USP14: variants seen among roughly 807,000 people sequenced by gnomAD.
The protein encoded by USP14 is ubiquitin specific peptidase 14, also known as ubiquitin carboxyl-terminal hydrolase 14.
Under a neutral mutation model 76.5 loss-of-function variants are expected in USP14, and 38 were observed. That is an observed-to-expected ratio of 0.50 (90% confidence interval 0.38 to 0.65). The LOEUF (loss-of-function observed/expected upper bound fraction) is 0.65. USP14 is among the 30% of genes least tolerant of loss of function. The pLI, the probability that USP14 is intolerant of heterozygous loss-of-function variation, is 0.00. For missense variants in USP14, 467 were observed against 586.5 expected, an observed-to-expected ratio of 0.80 and a Z score of 2.10; for synonymous variants, 192 against 191.7, an observed-to-expected ratio of 1.00 and a Z score of -0.01.
At position 209,951 on chromosome 18, in the gene USP14, A is replaced by G. The variant is rs753289375; in HGVS notation, c.1165-20A>G. ...ATTTCCAAAATCATGATTTAAAATTAAACATTTTTTTCTCCTCAGAGTGAC... is the reference window on the plus strand; with the variant it reads ...ATTTCCAAAATCATGATTTAAAATTGAACATTTTTTTCTCCTCAGAGTGAC... On this transcript the variant is annotated intron_variant, in intron 13 of 15. Transcript: ENST00000261601. The G allele has an allele frequency of 6.4e-7, 1 of 1,561,818 alleles. No individual in the cohort carries two copies. Among genetic ancestry groups the G allele is most frequent in the Non-Finnish European group, 8.7e-7 (1 of 1,151,250 alleles).
intron 6 of USP14, among the ~76,000 whole-genome samples, chr18:193,639 C>T (rs182315910): frequency 6.6e-6 from 1 of 152,180 alleles, no homozygotes; most frequent in Admixed American, 6.5e-5. Flanking sequence ...TGTTATTTCT[C>T]TCTAGATTTG....
chr18:209,899 T>G (rs1240937705), intron 13 of USP14, 72 bp from the exon 14 acceptor site: 47 of 1,177,078 alleles, frequency 4.0e-5, no homozygotes, highest in Non-Finnish European at 5.7e-5. Context: ...TTTATGAAAT[T>G]GAACACTTAC....
rs1244134388 is a variant in USP14, at chr18:208,258, AT to A, written c.1165-1710del. Among the ~76,000 whole-genome samples, 7 of 152,200 alleles carry A rather than the reference AT, an allele frequency of 4.6e-5. No individual in the cohort carries two copies. In the East Asian group the frequency reaches 1.2e-3, roughly 25 times the overall value. ...TAAATTGTTTTCCCAGAATTGATCC[AT>A]TTCATAAGCTTATCAAATTTGTATG... On this transcript the variant is annotated intron_variant, in intron 13 of 15. Transcript: ENST00000261601.
chr18:191,297 G>A (rs1012315640), intron 5 of USP14, among the ~76,000 whole-genome samples: 2 of 152,018 alleles, frequency 1.3e-5, no homozygotes, highest in African/African-American at 4.8e-5. Flanking sequence ...ATCAGTTTCC[G>A]AAAGATGCAA....
At chr18:175,273 CT>C (rs1297801792) in intron 3 of USP14, among the ~76,000 whole-genome samples, 2 of 151,244 alleles carry the variant, frequency 1.3e-5, no homozygotes, top group African/African-American at 4.9e-5. Flanking sequence ...CTCTTTTTTT[CT>C]TTATTGCAAT....
Position 206,004 on chromosome 18 carries a change from A to G in USP14, c.1164+1312A>G, listed in dbSNP as rs531622834. ...TGTTTCTAGTGTTTGTCTGTGATGA[A>G]TAAACCTGCTGTAAACATTCGTGTA... On this transcript the variant is annotated intron_variant, in intron 13 of 15. Transcript: ENST00000261601. Among the ~76,000 whole-genome samples, 16 of 152,352 alleles carry G rather than the reference A, an allele frequency of 1.1e-4. No individual in the cohort carries two copies. In the East Asian group the frequency reaches 1.9e-3, roughly 18 times the overall value.
chr18:184,342 TAAAAC>T (rs1909869387), intron 5 of USP14, among the ~76,000 whole-genome samples: 1 of 152,116 alleles, frequency 6.6e-6, no homozygotes, highest in South Asian at 2.1e-4. Context: ...CACTAACTGA[TAAAAC>T]AAGAATGAAA....
chr18:178,927 A>G lies in USP14; in HGVS notation c.196-6A>G. 6.3e-7 allele frequency: 1 copy of G among 1,590,790 alleles called. No homozygotes were observed. The highest frequency in any genetic ancestry group is 8.5e-7 in the Non-Finnish European group (1 of 1,172,956). On this transcript the variant is annotated splice_region_variant and splice_polypyrimidine_tract_variant and intron_variant, in intron 3 of 15. Coordinates refer to ENST00000261601, the MANE Select transcript of USP14 (RefSeq NM_005151.4). ...ATTTTCATGAAATTACTTTTTTTAA[A>G]AACAGGGAATGACTCTACTAATGAT...
In USP14 at chr18:180,289, C is replaced by T. The variant is rs781454964; in HGVS notation, c.354C>T (p.Ala118=). Residue 118 remains alanine, a synonymous_variant, in exon 5 of 16, where the codon GCC becomes GCT. Coordinates refer to ENST00000261601, the MANE Select transcript of USP14 (RefSeq NM_005151.4). ...TTGGTAACACTTGTTACATGAATGC[C>T]ACAGTTCAGTGTATTCGTTCTGTGC... ...TNLGNTCYMN[A]TVQCIRSVPE... 29 of 1,586,420 alleles carry T rather than the reference C, an allele frequency of 1.8e-5. No homozygotes were observed. The highest frequency in any genetic ancestry group is 2.4e-5 in the Non-Finnish European group (28 of 1,172,916).
rs1193232096 is a variant in USP14 at position 212,742 on chromosome 18, T to C, written c.*1458T>C. 1.3e-5 allele frequency: 2 copies of C among 152,240 alleles called. No homozygotes were observed. Among genetic ancestry groups the C allele is most frequent in the Non-Finnish European group, 2.9e-5 (2 of 68,040 alleles). 9.4% of individuals were successfully genotyped at this position (152,240 alleles called of 1,614,324 possible). A position where few individuals can be genotyped will look rare whatever the true frequency, so the allele number is the denominator to read the frequency against. On this transcript the variant is annotated 3_prime_UTR_variant, in exon 16 of 16. Coordinates refer to ENST00000261601, the MANE Select transcript of USP14 (RefSeq NM_005151.4). ...ACATTTTAATAGTTACTCATCTTTGTTCCAGGACCCTTGACTGATGCTAGG... is the reference window on the plus strand; with the variant it reads ...ACATTTTAATAGTTACTCATCTTTGCTCCAGGACCCTTGACTGATGCTAGG...
In USP14 at chr18:166,778, T is replaced by G; in HGVS notation, c.163-9T>G. 3.1e-6 allele frequency: 5 copies of G among 1,611,728 alleles called. No homozygotes were observed. The highest frequency in any genetic ancestry group is 4.2e-6 in the Non-Finnish European group (5 of 1,178,272). ...GTGGTTAAATGTCTTTTGTTTGTCT[T>G]TGAAACAGGATGATGATTGGGGAAA... On this transcript the variant is annotated splice_polypyrimidine_tract_variant and intron_variant, in intron 2 of 15. Coordinates refer to ENST00000261601, the MANE Select transcript of USP14 (RefSeq NM_005151.4).
intron 2 of USP14, among the ~76,000 whole-genome samples, chr18:164,948 T>C (rs1206869454): frequency 1.3e-5 from 2 of 152,074 alleles, no homozygotes; most frequent in Non-Finnish European, 2.9e-5. Flanking sequence ...ATATCTATTA[T>C]TATTATTATT....
rs187023555 is a variant in USP14, at chr18:173,468, A to G, written c.196-5465A>G. ...TTCTTGTTGCCCAGGCTGGAGTGCAATGGCGTGATCTCAGCTCACCGCAAC... is the reference window on the plus strand; with the variant it reads ...TTCTTGTTGCCCAGGCTGGAGTGCAGTGGCGTGATCTCAGCTCACCGCAAC... On this transcript the variant is annotated intron_variant, in intron 3 of 15. Transcript: ENST00000261601. Among the ~76,000 whole-genome samples, 71 of 150,022 alleles carry G rather than the reference A, an allele frequency of 4.7e-4. No individual in the cohort carries two copies. In the East Asian group the frequency reaches 0.013, roughly 27 times the overall value.
chr18:198,118 T>C lies in USP14; in HGVS notation c.747T>C (p.Val249=). 1 of 1,607,836 alleles carries C rather than the reference T, an allele frequency of 6.2e-7. No individual in the cohort carries two copies. Among genetic ancestry groups the C allele is most frequent in the Non-Finnish European group, 8.5e-7 (1 of 1,176,008 alleles). Residue 249 remains valine, a synonymous_variant, in exon 9 of 16, where the codon GTT becomes GTC. Coordinates refer to ENST00000261601, the MANE Select transcript of USP14 (RefSeq NM_005151.4). ...GTTTAATCGATCAGTTCTTCGGTGTTGAGTTTGAAACTACGTATCCTTATG... is the reference window on the plus strand; with the variant it reads ...GTTTAATCGATCAGTTCTTCGGTGTCGAGTTTGAAACTACGTATCCTTATG... ...KKSLIDQFFG[V]EFETTMKCTE...
chr18:163,320 G>T lies in USP14; in HGVS notation c.29G>T (p.Trp10Leu), dbSNP rs1909176162. 6.2e-7 allele frequency: 1 copy of T among 1,607,492 alleles called. No homozygotes were observed. Among genetic ancestry groups the T allele is most frequent in the Non-Finnish European group, 8.5e-7 (1 of 1,177,588 alleles). ...ATTTTGTTTGCAGTTACTGTAAAAT[G>T]GGGAAAGGAGAAATTTGAAGGTGTA... Reference protein sequence around the residue: MPLYSVTVKWGKEKFEGVEL... With the variant: MPLYSVTVKLGKEKFEGVEL... Residue 10 changes from tryptophan (W) to leucine (L), a missense_variant, in exon 2 of 16, where the codon TGG becomes TTG. Transcript: ENST00000261601.
At position 180,126 on chromosome 18, in the gene USP14, A is replaced by G. The variant is rs917244122; in HGVS notation, c.301-110A>G. 5 of 536,890 alleles carry G rather than the reference A, an allele frequency of 9.3e-6. No homozygotes were observed. The African/African-American group carries it at 1.0e-4, about 11-fold the overall frequency. The allele number at this position is 536,890 out of a possible 1,614,324, so 33.3% of individuals were successfully genotyped here. A position where few individuals can be genotyped will look rare whatever the true frequency, so the allele number is the denominator to read the frequency against. ...GGCAGAATATAAATTGGTAGAAGCT[A>G]GTAAATGGTACTTGATTCAAAATGA... On this transcript the variant is annotated intron_variant, in intron 4 of 15. Transcript: ENST00000261601.
rs201080569 is a variant in USP14, at chr18:163,395, C to T, written c.104C>T (p.Ala35Val). ...ATGGTATTCAAGGCTCAGCTGTTTG[C>T]GTTGACTGGAGTCCAGCCTGCCAGA... ...PPMVFKAQLFALTGVQPARQK... is the reference protein window; with the variant it reads ...PPMVFKAQLFVLTGVQPARQK... Residue 35 changes from alanine (A) to valine (V), a missense_variant, in exon 2 of 16, where the codon GCG (alanine) becomes GTG (valine). Coordinates refer to ENST00000261601, the MANE Select transcript of USP14 (RefSeq NM_005151.4). The T allele has an allele frequency of 6.2e-6, 10 of 1,613,576 alleles. No homozygotes were observed. The highest frequency in any genetic ancestry group is 6.8e-6 in the Non-Finnish European group (8 of 1,179,756).
chr18:171,030 A>G (rs1322903162), intron 3 of USP14, among the ~76,000 whole-genome samples: 1,073 of 68,360 alleles, frequency 0.016, 35 homozygotes, highest in Non-Finnish European at 0.021. Flanking sequence ...AAAAAAATAT[A>G]TATATATATA....
At chr18:176,084 A>T (rs1022340855) in intron 3 of USP14, among the ~76,000 whole-genome samples, 2 of 151,640 alleles carry the variant, frequency 1.3e-5, no homozygotes, top group African/African-American at 4.8e-5. Flanking sequence ...CCTCTCTAGT[A>T]TTGGCAAATT....
Sources: allele counts gnomAD v4.1 joint callset (sites outside exome capture counted in the v4.1 genomes callset), GRCh38; gene constraint gnomAD v4.1.1; transcripts MANE v1.5; gene names NCBI Gene and HGNC (gene_info 2026-07-23, HGNC 2026-07-21).